ADPRH: variants seen among roughly 807,000 people sequenced by gnomAD.
The protein encoded by ADPRH is ADP-ribosylarginine hydrolase.
A neutral mutation model predicts 28.8 loss-of-function variants in ADPRH; 27 were observed. That is an observed-to-expected ratio of 0.94 (90% CI 0.69 to 1.29). The LOEUF (loss-of-function observed/expected upper bound fraction) is 1.29. ADPRH is among the 50% of genes most tolerant of loss of function. The probability of loss-of-function intolerance (pLI) is 0.00; values close to 1 mark genes in which losing one functional copy is unlikely to be tolerated. For synonymous variants in ADPRH, 161 were observed against 166.9 expected (o/e 0.96, Z 0.27); for missense variants, 419 against 444.8 (o/e 0.94, Z 0.52).
Position 119,586,656 on chromosome 3 carries a change from A to G in ADPRH, c.659+11A>G. The G allele has an allele frequency of 6.2e-7, 1 of 1,612,194 alleles. No homozygotes were observed. Among genetic ancestry groups the G allele is most frequent in the Non-Finnish European group, 8.5e-7 (1 of 1,179,636 alleles). ...AAATCTTCAACACTGGTGAGTCTGT[A>G]AGCGCACGCCCTGCTCAAACACGGT... is the stretch of plus-strand genomic sequence containing the variant. On this transcript the variant is annotated intron_variant, in intron 4 of 4. Coordinates refer to ENST00000357003, the MANE Select transcript of ADPRH (RefSeq NM_001125.4).
intron 3 of ADPRH, among the ~76,000 whole-genome samples, chr3:119,585,630 A>G (rs1258533389): frequency 1.3e-5 from 2 of 152,102 alleles, no homozygotes; most frequent in African/African-American, 4.8e-5. Flanking sequence ...ACTCACTGCA[A>G]CCTCTGCCTC....
rs370899910 is a variant in ADPRH at position 119,586,678 on chromosome 3, C to T, written c.659+33C>T. 58 of 1,604,416 alleles carry T rather than the reference C, an allele frequency of 3.6e-5. No homozygotes were observed. In the Middle Eastern group the frequency reaches 5.0e-4, roughly 14 times the overall value. On this transcript the variant is annotated intron_variant, in intron 4 of 4. Coordinates refer to ENST00000357003, the MANE Select transcript of ADPRH (RefSeq NM_001125.4). ...TGTAAGCGCACGCCCTGCTCAAACA[C>T]GGTTGAATCTGTGCGTGTACATCCA...
chr3:119,585,420 C>T (rs1197078475), intron 3 of ADPRH, among the ~76,000 whole-genome samples: 1 of 152,214 alleles, frequency 6.6e-6, no homozygotes, highest in Non-Finnish European at 1.5e-5. Flanking sequence ...TTCAGTGACT[C>T]ACCAAAGACA....
In ADPRH at chr3:119,580,539, CT is replaced by C. The variant is rs2082396355; in HGVS notation, c.-122-11del. 4.6e-5 allele frequency: 7 copies of C among 152,262 alleles called. No individual in the cohort carries two copies. Among genetic ancestry groups the C allele is most frequent in the Non-Finnish European group, 8.8e-5 (6 of 68,070 alleles). The allele number at this position is 152,262 out of a possible 1,614,324, so 9.4% of individuals were successfully genotyped here. On this transcript the variant is annotated splice_polypyrimidine_tract_variant and intron_variant, in intron 1 of 4. Coordinates refer to ENST00000357003, the MANE Select transcript of ADPRH (RefSeq NM_001125.4). ...GGAACGCATCCATCTTCGTCGTTTA[CT>C]CCTTCTCCAGGGGCTCTCCAGCCTG...
intron 3 of ADPRH, among the ~76,000 whole-genome samples, chr3:119,584,997 C>T (rs1222181918): frequency 6.6e-6 from 1 of 152,176 alleles, no homozygotes; most frequent in Admixed American, 6.5e-5. Flanking sequence ...CACATTTTAG[C>T]TTAACCACCT....
At chr3:119,585,839 G>A (rs999532784) in intron 3 of ADPRH, among the ~76,000 whole-genome samples, 2 of 152,140 alleles carry the variant, frequency 1.3e-5, no homozygotes, top group African/African-American at 2.4e-5. Flanking sequence ...ATGAGCCACT[G>A]CTCCCGGCCT....
intron 3 of ADPRH, among the ~76,000 whole-genome samples, chr3:119,586,039 A>G (rs2082455404): frequency 6.6e-6 from 1 of 152,214 alleles, no homozygotes; most frequent in Admixed American, 6.5e-5. Context: ...CTCAGTAATG[A>G]CTGGTAAAGA....
In ADPRH at chr3:119,582,310, C is replaced by T. The variant is rs766327303; in HGVS notation, c.141C>T (p.Asp47=). ...AGCTGGGCGGCTTGGATGCCCTAGA[C>T]GTGGGAAGGTGGAGAGTTAGTGACG... ...LAQLGGLDAL[D]VGRWRVSDDT... Residue 47 remains aspartate, a synonymous_variant, in exon 3 of 5, where the codon GAC becomes GAT. Transcript: ENST00000357003. The T allele has an allele frequency of 1.1e-5, 18 of 1,614,024 alleles. No individual in the cohort carries two copies. The highest frequency in any genetic ancestry group is 3.3e-5 in the South Asian group (3 of 91,082).
rs1220681947 is a variant in ADPRH, at chr3:119,582,305, C to T, written c.136C>T (p.Leu46=). 1.2e-6 allele frequency: 2 copies of T among 1,614,154 alleles called. No individual in the cohort carries two copies. The highest frequency in any genetic ancestry group is 2.7e-5 in the African/African-American group (2 of 75,036). ...GGCCCAGCTGGGCGGCTTGGATGCC[C>T]TAGACGTGGGAAGGTGGAGAGTTAG... The part of the protein sequence containing the change: ...QLAQLGGLDA[L]DVGRWRVSDD... The change falls in exon 3 of 5, where the codon CTA becomes TTA. Residue 46 remains leucine (L), a synonymous_variant. Transcript: ENST00000357003.
intron 3 of ADPRH, among the ~76,000 whole-genome samples, chr3:119,585,740 G>A (rs1403993537): frequency 1.3e-5 from 2 of 152,052 alleles, no homozygotes; most frequent in African/African-American, 2.4e-5. Context: ...TAGTAGAGAC[G>A]GAGTTTCACC....
At position 119,587,779 on chromosome 3, in the gene ADPRH, C is replaced by G. The variant is rs765645703; in HGVS notation, c.975C>G (p.Pro325=). 1.1e-5 allele frequency: 18 copies of G among 1,614,064 alleles called. No individual in the cohort carries two copies. Among genetic ancestry groups the G allele is most frequent in the Non-Finnish European group, 1.5e-5 (18 of 1,180,020 alleles). Reference sequence around the variant, plus strand: ...TGTATGGTTTTAAAGGAGTGAGTCCCTCCAACTATGAGAAACTAGAATACA... The same window carrying G: ...TGTATGGTTTTAAAGGAGTGAGTCCGTCCAACTATGAGAAACTAGAATACA... ...GVMYGFKGVS[P]SNYEKLEYRN... is the part of the protein sequence containing the mutation. Residue 325 remains proline (P), a synonymous_variant, in exon 5 of 5, where the codon CCC becomes CCG. Transcript: ENST00000357003.
intron 3 of ADPRH, among the ~76,000 whole-genome samples, chr3:119,585,118 A>G (rs2082445946): frequency 6.6e-6 from 1 of 152,156 alleles, no homozygotes; most frequent in Non-Finnish European, 1.5e-5. Context: ...TCACCATACC[A>G]AGGGGCCCTT....
chr3:119,582,225 A>G lies in ADPRH; in HGVS notation c.56A>G (p.Tyr19Cys), dbSNP rs147901245. 2.0e-5 allele frequency: 33 copies of G among 1,614,070 alleles called. No homozygotes were observed. Among genetic ancestry groups the G allele is most frequent in the African/African-American group, 8.0e-5 (6 of 74,956 alleles). The change falls in exon 3 of 5, where the codon TAC becomes TGC. Residue 19 changes from tyrosine to cysteine, a missense_variant. Physicochemically the swap from Tyr to Cys is radical, Grantham distance 194. Transcript: ENST00000357003. ...AGTGCAGCTGGAGATGCCCTGGGGT[A>G]CTACAATGGGAAGTGGGAGTTCCTC... ...VLSAAGDALG[Y>C]YNGKWEFLQD...
rs1322032257 is a variant in ADPRH at position 119,589,516 on chromosome 3, T to G, written c.*1638T>G. 1 of 152,230 alleles carries G rather than the reference T, an allele frequency of 6.6e-6. No homozygotes were observed. The highest frequency in any genetic ancestry group is 2.1e-4 in the South Asian group (1 of 4,830). The allele number at this position is 152,230 out of a possible 1,614,324, so 9.4% of individuals were successfully genotyped here. ...TCTAGTTCATCCCATAGGAATGTTTTTCCAAGTCCTTCCAGTCTTTTTAGA... is the reference window on the plus strand; with the variant it reads ...TCTAGTTCATCCCATAGGAATGTTTGTCCAAGTCCTTCCAGTCTTTTTAGA... On this transcript the variant is annotated 3_prime_UTR_variant, in exon 5 of 5. Coordinates refer to ENST00000357003, the MANE Select transcript of ADPRH (RefSeq NM_001125.4).
At chr3:119,582,528 A>G (rs1028750330) in intron 3 of ADPRH, 61 bp downstream of exon 3, 4 of 1,488,090 alleles carry the variant, frequency 2.7e-6, no homozygotes, top group African/African-American at 1.4e-5. Flanking sequence ...TGAGGAAATC[A>G]TTAAGAATGT....
At chr3:119,583,932 C>T (rs926482989) in intron 3 of ADPRH, among the ~76,000 whole-genome samples, 1 of 151,966 alleles carries the variant, frequency 6.6e-6, no homozygotes, top group Admixed American at 6.6e-5. Context: ...CACGCACCAC[C>T]ACGTCTGGCT....
intron 3 of ADPRH, among the ~76,000 whole-genome samples, chr3:119,584,407 T>TA (rs2082439037): frequency 6.6e-6 from 1 of 151,744 alleles, no homozygotes; most frequent in Admixed American, 6.6e-5. Flanking sequence ...TACTAAAAAT[T>TA]AAAAAATTAG....
chr3:119,582,838 A>G (rs981647950), intron 3 of ADPRH, among the ~76,000 whole-genome samples: 3 of 152,356 alleles, frequency 2.0e-5, no homozygotes, highest in African/African-American at 4.8e-5. Flanking sequence ...CTCTGCCTCC[A>G]TCAGATCAGT....
intron 3 of ADPRH, among the ~76,000 whole-genome samples, chr3:119,582,883 T>A (rs1387773793): frequency 1.3e-5 from 2 of 152,182 alleles, no homozygotes. Flanking sequence ...CTGAACCCTG[T>A]TGGGAACTGC....
Sources: allele counts gnomAD v4.1 joint callset (sites outside exome capture counted in the v4.1 genomes callset), GRCh38; gene constraint gnomAD v4.1.1; transcripts MANE v1.5; gene names NCBI Gene and HGNC (gene_info 2026-07-23, HGNC 2026-07-21).